The following RTCA variants were observed in gnomAD, a reference collection of about 807,000 sequenced individuals.
RTCA encodes RNA 3'-terminal phosphate cyclase, also known as RNA terminal phosphate cyclase domain 1.
A neutral mutation model predicts 46.1 loss-of-function variants in RTCA; 37 were observed. That is an observed-to-expected ratio of 0.80 (90% CI 0.62 to 1.06). The LOEUF (loss-of-function observed/expected upper bound fraction) is 1.06, where lower values mean the gene tolerates loss of function less well. RTCA is among the 50% of genes least tolerant of loss of function. The pLI, the probability that RTCA is intolerant of heterozygous loss-of-function variation, is 0.00. For synonymous variants in RTCA, 164 were observed against 158.3 expected (o/e 1.04, Z -0.27); for missense variants, 435 against 455.5 (o/e 0.95, Z 0.41).
intron 9 of RTCA, among the ~76,000 whole-genome samples, chr1:100,286,239 T>A (rs890882423): frequency 1.3e-5 from 2 of 151,452 alleles, no homozygotes; most frequent in Non-Finnish European, 2.9e-5. Flanking sequence ...GATCACGAGG[T>A]CAAGAGATCG....
At position 100,266,277 on chromosome 1, in the gene RTCA, A is replaced by G; in HGVS notation, c.-99A>G. The stretch of plus-strand genomic sequence containing the variant: ...TCAGGCTCCTGCGCCCCAGGCATGA[A>G]CCAAGGTTTCTGAACTACTGGGCGG... On this transcript the variant is annotated 5_prime_UTR_variant, in exon 1 of 11. Transcript: ENST00000370128. The G allele has an allele frequency of 2.7e-6, 4 of 1,478,482 alleles. No individual in the cohort carries two copies. Among genetic ancestry groups the G allele is most frequent in the South Asian group, 1.2e-5 (1 of 82,246 alleles). The allele number at this position is 1,478,482 out of a possible 1,614,324, so 91.6% of individuals were successfully genotyped here.
chr1:100,269,478 C>T (rs937734937), intron 3 of RTCA, among the ~76,000 whole-genome samples: 7 of 150,496 alleles, frequency 4.7e-5, no homozygotes, highest in African/African-American at 7.4e-5. Context: ...AGACTACAGG[C>T]GTGCACCACA....
chr1:100,271,153 C>G (rs1666072304), intron 4 of RTCA, among the ~76,000 whole-genome samples: 2 of 151,282 alleles, frequency 1.3e-5, no homozygotes, highest in South Asian at 4.2e-4. Flanking sequence ...AAAAAAAACT[C>G]AAGTGTAGGG....
At chr1:100,279,641 T>C (rs920006685) in intron 8 of RTCA, among the ~76,000 whole-genome samples, 1 of 151,864 alleles carries the variant, frequency 6.6e-6, no homozygotes, top group Non-Finnish European at 1.5e-5. Flanking sequence ...TAGCCCCATA[T>C]GGTGGCTCAC....
At position 100,285,230 on chromosome 1, in the gene RTCA, G is replaced by A. The variant is rs1379128214; in HGVS notation, c.802G>A (p.Val268Ile). ...TTTAATGTTGTGCTTATCTTAAGGTGTAAATGCAGACAAAGTTGGAATTGA... is the reference window on the plus strand; with the variant it reads ...TTTAATGTTGTGCTTATCTTAAGGTATAAATGCAGACAAAGTTGGAATTGA... ...FAGSSLGKRGVNADKVGIEAA... is the reference protein window; with the variant it reads ...FAGSSLGKRGINADKVGIEAA... The change falls in exon 9 of 11, where the codon GTA (valine) becomes ATA (isoleucine). Residue 268 changes from valine to isoleucine, a missense_variant and splice_region_variant. By Grantham distance (29) the Val-to-Ile change is conservative. Coordinates refer to ENST00000370128, the MANE Select transcript of RTCA (RefSeq NM_003729.4). 1 of 1,611,308 alleles carries A rather than the reference G, an allele frequency of 6.2e-7. No individual in the cohort carries two copies. Among genetic ancestry groups the A allele is most frequent in the Non-Finnish European group, 8.5e-7 (1 of 1,177,882 alleles).
intron 4 of RTCA, among the ~76,000 whole-genome samples, chr1:100,270,953 C>T (rs1666057824): frequency 6.6e-6 from 1 of 151,618 alleles, no homozygotes; most frequent in African/African-American, 2.4e-5. Flanking sequence ...GGCACACACC[C>T]AGCCAATTTT....
intron 2 of RTCA, chr1:100,266,825 T>C: frequency 1.8e-6 from 1 of 562,334 alleles, no homozygotes; most frequent in Non-Finnish European, 3.2e-6. Context: ...AGTTTAGAAA[T>C]GGTCTCGAGT....
At chr1:100,267,643 A>C in intron 2 of RTCA, 1 of 1,082,282 alleles carries the variant, frequency 9.2e-7, no homozygotes, top group Non-Finnish European at 1.2e-6. Context: ...GCGTCTCTGT[A>C]TGTTCTAGTT....
chr1:100,268,706 A>G (rs760806973), intron 3 of RTCA, among the ~76,000 whole-genome samples: 16 of 152,174 alleles, frequency 1.1e-4, no homozygotes, highest in African/African-American at 1.7e-4. Flanking sequence ...ATAAATATTC[A>G]TTGAATTAAT....
In RTCA at chr1:100,274,891, A is replaced by G. The variant is rs200269381; in HGVS notation, c.541A>G (p.Ile181Val). The G allele has an allele frequency of 2.5e-6, 4 of 1,613,800 alleles. No homozygotes were observed. Among genetic ancestry groups the G allele is most frequent in the Non-Finnish European group, 2.5e-6 (3 of 1,179,738 alleles). Residue 181 changes from isoleucine to valine, a missense_variant, in exon 6 of 11, where the codon ATA becomes GTA. By Grantham distance (29) the Ile-to-Val change is conservative. Transcript: ENST00000370128. ...GTCACCAGTTAAACAATTGAACCCT[A>G]TAAATTTAACTGAGCGTGGCTGTGT... ...RMSPVKQLNP[I>V]NLTERGCVTK...
rs1380145942 is a variant in RTCA, at chr1:100,291,990, T to C, written c.*486T>C. ...TCACCCAGGCTGGGGTGCTGTGGTG[T>C]GATCTTGGCTCACTGCAACCTCTGC... On this transcript the variant is annotated 3_prime_UTR_variant, in exon 11 of 11. Transcript: ENST00000370128. 1 of 151,500 alleles carries C rather than the reference T, an allele frequency of 6.6e-6. No individual in the cohort carries two copies. The highest frequency in any genetic ancestry group is 1.5e-5 in the Non-Finnish European group (1 of 68,364). 9.4% of individuals were successfully genotyped at this position (151,500 alleles called of 1,614,324 possible). A position where few individuals can be genotyped will look rare whatever the true frequency, so the allele number is the denominator to read the frequency against.
intron 8 of RTCA, among the ~76,000 whole-genome samples, chr1:100,278,232 T>G (rs1309940432): frequency 6.6e-6 from 1 of 152,170 alleles, no homozygotes; most frequent in Non-Finnish European, 1.5e-5. Flanking sequence ...TTTCATCCAG[T>G]GGTTTTAACA....
chr1:100,288,635 C>T (rs936001476), intron 10 of RTCA, among the ~76,000 whole-genome samples: 1 of 151,878 alleles, frequency 6.6e-6, no homozygotes, highest in Non-Finnish European at 1.5e-5. Context: ...AAGCAGTCCT[C>T]TGACCTCAAT....
chr1:100,284,467 C>A (rs927815378), intron 8 of RTCA, among the ~76,000 whole-genome samples: 2 of 150,660 alleles, frequency 1.3e-5, no homozygotes, highest in South Asian at 4.2e-4. Flanking sequence ...AATCTCAGCT[C>A]ACTGCAACCT....
chr1:100,276,607 G>A (rs779856855), intron 7 of RTCA, among the ~76,000 whole-genome samples: 4 of 152,134 alleles, frequency 2.6e-5, no homozygotes, highest in Non-Finnish European at 4.4e-5. Flanking sequence ...AACCTGGGAG[G>A]CGGATGTTGC....
chr1:100,281,481 T>G (rs751360626), intron 8 of RTCA, among the ~76,000 whole-genome samples: 4 of 152,242 alleles, frequency 2.6e-5, no homozygotes, highest in Admixed American at 1.3e-4. Flanking sequence ...GTGATTGCAT[T>G]ATAGACAGAA....
chr1:100,269,982 C>T (rs1194009376), intron 3 of RTCA, among the ~76,000 whole-genome samples: 1 of 152,184 alleles, frequency 6.6e-6, no homozygotes, highest in African/African-American at 2.4e-5. Context: ...TGATGGTTTC[C>T]AGCTTCATCC....
chr1:100,275,528 T>C (rs1666321946), intron 6 of RTCA, 71 bp from the exon 7 acceptor site: 1 of 1,230,530 alleles, frequency 8.1e-7, no homozygotes, highest in Non-Finnish European at 1.1e-6. Flanking sequence ...TATGTGTCTT[T>C]GAAGTCTTGA....
At chr1:100,270,749 A>G in intron 4 of RTCA, 69 bp downstream of exon 4, 2 of 1,537,810 alleles carry the variant, frequency 1.3e-6, no homozygotes, top group South Asian at 1.2e-5. Flanking sequence ...TTCTCTAAAT[A>G]TATCCTGAGT....
Sources: allele counts gnomAD v4.1 joint callset (sites outside exome capture counted in the v4.1 genomes callset), GRCh38; gene constraint gnomAD v4.1.1; transcripts MANE v1.5; gene names NCBI Gene and HGNC (gene_info 2026-07-23, HGNC 2026-07-21).